NUP98: variants seen among roughly 807,000 people sequenced by gnomAD.
The protein encoded by NUP98 is nucleoporin 98 and 96 precursor.
In NUP98, 26 loss-of-function variants were observed where a neutral mutation model predicts 191.9. The observed-to-expected ratio is 0.14, with a 90% CI of 0.10 to 0.19. The LOEUF is 0.19. NUP98 is among the 10% of genes least tolerant of loss of function. The pLI, the probability that NUP98 is intolerant of heterozygous loss-of-function variation, is 1.00. For synonymous variants in NUP98, 808 were observed against 778.4 expected (o/e 1.04, Z -0.63); for missense variants, 1,941 against 2,178.8 (o/e 0.89, Z 2.17).
At position 3,679,651 on chromosome 11, in the gene NUP98, G is replaced by T. The variant is rs765732575; in HGVS notation, c.4976C>A (p.Pro1659His). ...YLKGFLEDLA[P>H]PERSSLIQDW... is the part of the protein sequence containing the mutation. ...CTGAATTAGGCTGCTGCGCTCTGGAGGTGCCAGGTCTTCCAAGAACCCCTT... is the reference window on the plus strand; with the variant it reads ...CTGAATTAGGCTGCTGCGCTCTGGATGTGCCAGGTCTTCCAAGAACCCCTT... Residue 1659 changes from proline to histidine, a missense_variant, in exon 31 of 33, where the codon CCT becomes CAT. Physicochemically the swap from Pro to His is moderately conservative, Grantham distance 77 (BLOSUM62 -2). Around this residue, in one of 6 missense-constraint regions of NUP98, gnomAD observed 1,030 missense variants for 1,115.8 expected, o/e 0.92. Coordinates refer to ENST00000324932, the MANE Select transcript of NUP98 (RefSeq NM_016320.5). 1 of 1,614,052 alleles carries T rather than the reference G, an allele frequency of 6.2e-7. No homozygotes were observed. Among genetic ancestry groups the T allele is most frequent in the Non-Finnish European group, 8.5e-7 (1 of 1,180,024 alleles).
intron 12 of NUP98, among the ~76,000 whole-genome samples, chr11:3,743,646 C>CAA (rs34382341): frequency 3.1e-3 from 151 of 49,390 alleles, no homozygotes; most frequent in Middle Eastern, 0.016. Context: ...AACTCCATCT[C>CAA]AAAAAAAAAA....
intron 21 of NUP98, 106 bp downstream of exon 21, chr11:3,706,339 G>T: frequency 3.0e-6 from 3 of 1,010,664 alleles, no homozygotes; most frequent in South Asian, 1.5e-5. Flanking sequence ...CCATTACAGT[G>T]AGCACTCAAT....
At chr11:3,735,748 AGTGTGTGT>A (rs71041385) in intron 12 of NUP98, among the ~76,000 whole-genome samples, 19,057 of 140,710 alleles carry the variant, frequency 0.14, 1,318 homozygotes, top group East Asian at 0.26. Flanking sequence ...CAGGGCAAGT[AGTGTGTGT>A]GTGTGTGTGT....
At chr11:3,745,572 A>C (rs923414528) in intron 11 of NUP98, among the ~76,000 whole-genome samples, 1 of 152,152 alleles carries the variant, frequency 6.6e-6, no homozygotes, top group Non-Finnish European at 1.5e-5. Context: ...AATTCCATTC[A>C]ATTTCCCACC....
intron 6 of NUP98, among the ~76,000 whole-genome samples, chr11:3,772,591 A>G (rs1394800663): frequency 6.6e-6 from 1 of 151,960 alleles, no homozygotes; most frequent in Non-Finnish European, 1.5e-5. Flanking sequence ...GCTGAGGTGG[A>G]CGGATCACAA....
At chr11:3,680,284 C>A (rs1487271752) in intron 30 of NUP98, among the ~76,000 whole-genome samples, 1 of 152,202 alleles carries the variant, frequency 6.6e-6, no homozygotes, top group African/African-American at 2.4e-5. Flanking sequence ...AGCATCTTCA[C>A]CAGGAGTAGA....
At position 3,785,856 on chromosome 11, in the gene NUP98, TA is replaced by T. The variant is rs111654029; in HGVS notation, c.-28-3712del. 1.5e-3 allele frequency among the ~76,000 whole-genome samples: 223 copies of T among 146,142 alleles called. 1 individual carries two copies. The highest frequency in any genetic ancestry group is 3.5e-3 in the Middle Eastern group (1 of 286). On this transcript the variant is annotated intron_variant, in intron 1 of 32. Coordinates refer to ENST00000324932, the MANE Select transcript of NUP98 (RefSeq NM_016320.5). Reference sequence around the variant, plus strand: ...ACTCCAAAAATGTAGTAAAATCCATTAAAAAAAAAAAGTAATCCTAGAGACA... The same window carrying T: ...ACTCCAAAAATGTAGTAAAATCCATTAAAAAAAAAAGTAATCCTAGAGACA...
In NUP98 at chr11:3,778,963, T is replaced by A; in HGVS notation, c.265A>T (p.Asn89Tyr). The A allele has an allele frequency of 6.2e-7, 1 of 1,614,190 alleles. No individual in the cohort carries two copies. Among genetic ancestry groups the A allele is most frequent in the Non-Finnish European group, 8.5e-7 (1 of 1,180,036 alleles). ...GTGCTTGCAGTTCCAAACAAGGTAT[T>A]TGCTGTTCCTGTTGACGTACCAAAC... Reference protein sequence around the residue: ...FGFGTSTGTANTLFGTASTGT... With the variant: ...FGFGTSTGTAYTLFGTASTGT... Residue 89 changes from asparagine (N) to tyrosine (Y), a missense_variant, in exon 4 of 33, where the codon AAT (asparagine) becomes TAT (tyrosine). This residue lies in a region of NUP98 where 154 missense variants were observed against 182.9 expected (regional missense o/e 0.84). Transcript: ENST00000324932.
At chr11:3,787,576 CA>C (rs200223701) in intron 1 of NUP98, among the ~76,000 whole-genome samples, 1 of 150,206 alleles carries the variant, frequency 6.7e-6, no homozygotes, top group Non-Finnish European at 1.5e-5. Context: ...CTGTCTCAAA[CA>C]AAAAAAAAGA....
chr11:3,792,704 T>C (rs1395182665), intron 1 of NUP98, among the ~76,000 whole-genome samples: 1 of 151,442 alleles, frequency 6.6e-6, no homozygotes, highest in Non-Finnish European at 1.5e-5. Context: ...ATGCATCATG[T>C]TATAAAATCA....
intron 8 of NUP98, 149 bp downstream of exon 8, chr11:3,768,432 A>AG (rs1376990580): frequency 1.3e-6 from 1 of 761,204 alleles, no homozygotes; most frequent in East Asian, 2.9e-5. Flanking sequence ...AAAAAAAAAA[A>AG]AAAAACTTTG....
At chr11:3,748,589 G>A (rs2080600441) in intron 11 of NUP98, among the ~76,000 whole-genome samples, 1 of 152,178 alleles carries the variant, frequency 6.6e-6, no homozygotes, top group Non-Finnish European at 1.5e-5. Context: ...CAGATCACCT[G>A]AGGTCAGTCG....
intron 29 of NUP98, among the ~76,000 whole-genome samples, chr11:3,684,318 G>A (rs993664100): frequency 3.3e-5 from 5 of 152,148 alleles, no homozygotes; most frequent in East Asian, 1.9e-4. Flanking sequence ...AGTGGCTCAC[G>A]CCTGTAATCC....
At chr11:3,750,945 T>G (rs2134426682) in intron 11 of NUP98, among the ~76,000 whole-genome samples, 1 of 152,318 alleles carries the variant, frequency 6.6e-6, no homozygotes, top group Admixed American at 6.5e-5. Context: ...CTACTGATTT[T>G]TAATTCTACT....
intron 10 of NUP98, among the ~76,000 whole-genome samples, chr11:3,757,164 T>G (rs1161609509): frequency 3.3e-5 from 5 of 149,610 alleles, no homozygotes; most frequent in Non-Finnish European, 5.9e-5. Flanking sequence ...TTATCAAGTG[T>G]AGCCTATACA....
chr11:3,730,190 G>A (rs983486317), intron 14 of NUP98, among the ~76,000 whole-genome samples: 2 of 151,960 alleles, frequency 1.3e-5, no homozygotes, highest in Non-Finnish European at 2.9e-5. Flanking sequence ...AGCCGAGATC[G>A]TGCCACTGCA....
intron 6 of NUP98, among the ~76,000 whole-genome samples, chr11:3,772,365 A>T (rs557966928): frequency 7.1e-4 from 108 of 152,356 alleles, no homozygotes; most frequent in African/African-American, 2.3e-3. Flanking sequence ...CAGCCCAATA[A>T]AGTAAGCATA....
At chr11:3,677,548 T>C (rs953361909) in intron 31 of NUP98, among the ~76,000 whole-genome samples, 3 of 151,888 alleles carry the variant, frequency 2.0e-5, no homozygotes, top group African/African-American at 2.4e-5. Context: ...TGCTGGCACA[T>C]TGATAGTACC....
intron 31 of NUP98, among the ~76,000 whole-genome samples, chr11:3,678,980 C>T (rs558636503): frequency 7.9e-5 from 12 of 151,980 alleles, no homozygotes; most frequent in African/African-American, 2.4e-4. Context: ...AAGTTAGCTG[C>T]GTGTGGTGGC....
Sources: allele counts gnomAD v4.1 joint callset (sites outside exome capture counted in the v4.1 genomes callset), GRCh38; gene constraint gnomAD v4.1.1; regional missense constraint gnomAD v4.1.1; transcripts MANE v1.5; gene names NCBI Gene and HGNC (gene_info 2026-07-23, HGNC 2026-07-21).